SHANK2: variants seen among roughly 807,000 people sequenced by gnomAD.
The protein encoded by SHANK2 is SH3 and multiple ankyrin repeat domains 2.
A neutral mutation model predicts 133.7 loss-of-function variants in SHANK2; 43 were observed. The observed-to-expected ratio is 0.32, with a 90% CI of 0.25 to 0.41. SHANK2 has a LOEUF of 0.41. SHANK2 is among the 10% of genes least tolerant of loss of function. SHANK2 has a pLI of 1.00. For missense variants in SHANK2, 1,994 were observed against 2,235.8 expected, an observed-to-expected ratio of 0.89 and a Z score of 2.18; for synonymous variants, 1,017 against 952.8, an observed-to-expected ratio of 1.07 and a Z score of -1.24.
At chr11:71,226,963 G>A (rs1555122341) in intron 1 of SHANK2, among the ~76,000 whole-genome samples, 1 of 152,024 alleles carries the variant, frequency 6.6e-6, no homozygotes, top group Non-Finnish European at 1.5e-5. Context: ...TATTTAACAA[G>A]TATAAATGGA....
chr11:70,919,774 G>A (rs1950322162), intron 10 of SHANK2, among the ~76,000 whole-genome samples: 1 of 152,178 alleles, frequency 6.6e-6, no homozygotes, highest in African/African-American at 2.4e-5. Context: ...GCTTCTGGTA[G>A]CCACTATCCT....
At chr11:70,912,409 T>A (rs1445332681) in intron 10 of SHANK2, among the ~76,000 whole-genome samples, 1 of 152,066 alleles carries the variant, frequency 6.6e-6, no homozygotes, top group African/African-American at 2.4e-5. Flanking sequence ...CGGGGAGAGG[T>A]AATTGAATCA....
intron 10 of SHANK2, among the ~76,000 whole-genome samples, chr11:70,927,452 G>A (rs1346730056): frequency 6.6e-6 from 1 of 152,078 alleles, no homozygotes; most frequent in African/African-American, 2.4e-5. Flanking sequence ...AGCGAATCTA[G>A]GCCAGGTTGG....
chr11:70,801,452 A>T (rs1386790565), intron 13 of SHANK2, among the ~76,000 whole-genome samples: 1 of 152,150 alleles, frequency 6.6e-6, no homozygotes, highest in Non-Finnish European at 1.5e-5. Context: ...CTCTTCAGAG[A>T]ATGGGGAGCA....
At chr11:70,623,162 C>T (rs868909281) in intron 17 of SHANK2, among the ~76,000 whole-genome samples, 2 of 151,410 alleles carry the variant, frequency 1.3e-5, no homozygotes, top group Admixed American at 6.6e-5. Context: ...AGTGACAGAG[C>T]GAGATTTCGT....
At position 70,569,842 on chromosome 11, in the gene SHANK2, G is replaced by A. The variant is rs371598251; in HGVS notation, c.2062-66911C>T. Among the ~76,000 whole-genome samples, 66 of 152,104 alleles carry A rather than the reference G, an allele frequency of 4.3e-4. No individual in the cohort carries two copies. The highest frequency in any genetic ancestry group is 7.1e-4 in the Non-Finnish European group (48 of 68,032). On this transcript the variant is annotated intron_variant, in intron 17 of 25. Transcript: ENST00000601538. This position sits in a 1 kb window ranked among gnomAD's most constrained non-coding sequence, Gnocchi z 5.1. ...CTCAGCCCGGGAAAAGGCTGAGGCC[G>A]GCACAAAGAAGCAAGGGCAGGAGGT...
chr11:71,243,587 C>A (rs1954920627), intron 1 of SHANK2, among the ~76,000 whole-genome samples: 1 of 151,852 alleles, frequency 6.6e-6, no homozygotes, highest in Non-Finnish European at 1.5e-5. Flanking sequence ...GCCAGCTACT[C>A]GGGAGGCTGA....
intron 14 of SHANK2, among the ~76,000 whole-genome samples, chr11:70,757,729 T>C (rs1555039254): frequency 6.6e-6 from 1 of 152,210 alleles, no homozygotes; most frequent in African/African-American, 2.4e-5. Context: ...GGCACTGTTA[T>C]AAACCTTAGA....
intron 11 of SHANK2, among the ~76,000 whole-genome samples, chr11:70,886,638 TTAAAGGA>T (rs1173387876): frequency 6.6e-6 from 1 of 152,052 alleles, no homozygotes; most frequent in Non-Finnish European, 1.5e-5. Flanking sequence ...AGGTATATTT[TTAAAGGA>T]TCATGGCTCA....
chr11:70,929,283 G>A (rs574688688), intron 10 of SHANK2, among the ~76,000 whole-genome samples: 2 of 152,216 alleles, frequency 1.3e-5, no homozygotes, highest in Non-Finnish European at 2.9e-5. Context: ...ACCTCGGTCT[G>A]GGCAATTTCC....
chr11:70,712,772 T>C (rs1196186873), intron 14 of SHANK2, among the ~76,000 whole-genome samples: 1 of 152,202 alleles, frequency 6.6e-6, no homozygotes, highest in Non-Finnish European at 1.5e-5. Context: ...CTTTTCCTGG[T>C]CTGCACCACA....
chr11:70,942,660 G>T (rs78618018), intron 10 of SHANK2: 2 of 456,730 alleles, frequency 4.4e-6, no homozygotes, highest in African/African-American at 2.0e-5. Context: ...TGAACTTGAG[G>T]ATTTACATTC....
intron 21 of SHANK2, among the ~76,000 whole-genome samples, chr11:70,493,167 T>TTTTTTGTTTG (rs1164173175): frequency 2.6e-5 from 4 of 151,574 alleles, no homozygotes; most frequent in Non-Finnish European, 5.9e-5. Flanking sequence ...TGAAGTTTTT[T>TTTTTTGTTTG]TTTTTGTTTG....
At chr11:70,515,785 C>T (rs1442446638) in intron 17 of SHANK2, among the ~76,000 whole-genome samples, 1 of 152,108 alleles carries the variant, frequency 6.6e-6, no homozygotes, top group Non-Finnish European at 1.5e-5. Flanking sequence ...GCACTCCAGC[C>T]TGGGCAACAG....
chr11:71,183,324 G>A (rs1953600452), intron 2 of SHANK2, among the ~76,000 whole-genome samples: 1 of 152,154 alleles, frequency 6.6e-6, no homozygotes. Context: ...TGCTGTGGGT[G>A]AAACTCACTC....
intron 14 of SHANK2, among the ~76,000 whole-genome samples, chr11:70,772,504 A>G (rs1245860478): frequency 6.6e-6 from 1 of 152,094 alleles, no homozygotes; most frequent in Non-Finnish European, 1.5e-5. Context: ...CCATCCTCAC[A>G]TATGCCTGAT....
At chr11:70,802,878 C>G (rs1241215534) in intron 13 of SHANK2, among the ~76,000 whole-genome samples, 1 of 152,206 alleles carries the variant, frequency 6.6e-6, no homozygotes, top group Non-Finnish European at 1.5e-5. Flanking sequence ...CACTGCTTCC[C>G]TAGGCCTCAC....
At chr11:70,480,879 C>T (rs1347954533) in intron 25 of SHANK2, among the ~76,000 whole-genome samples, 7 of 152,224 alleles carry the variant, frequency 4.6e-5, no homozygotes, top group Non-Finnish European at 7.3e-5. Context: ...TAGGCCTGCA[C>T]CTGAGGAGCT....
At chr11:71,214,634 A>G (rs1954363590) in intron 2 of SHANK2, among the ~76,000 whole-genome samples, 1 of 152,364 alleles carries the variant, frequency 6.6e-6, no homozygotes, top group African/African-American at 2.4e-5. Flanking sequence ...AAGTCTGGCC[A>G]GAAGCTAACT....
Sources: gnomAD v4.1 joint callset for allele counts (sites outside exome capture counted in the v4.1 genomes callset) on GRCh38, gnomAD v4.1.1 for gene constraint, Gnocchi (gnomAD v3.1) non-coding constraint, MANE v1.5 for transcripts, NCBI Gene and HGNC (gene_info 2026-07-23, HGNC 2026-07-21) for gene names.